SIM2: variants seen among roughly 807,000 people sequenced by gnomAD.
The protein encoded by SIM2 is single-minded homolog 2.
Under a neutral mutation model 64.8 loss-of-function variants are expected in SIM2, and 28 were observed. The observed-to-expected ratio is 0.43, with a 90% CI of 0.32 to 0.59. The LOEUF (loss-of-function observed/expected upper bound fraction) is 0.59, where lower values mean the gene tolerates loss of function less well. SIM2 is among the 20% of genes least tolerant of loss of function. SIM2 has a pLI of 0.07. For missense variants in SIM2, 847 were observed against 871.4 expected, an observed-to-expected ratio of 0.97 and a Z score of 0.35; for synonymous variants, 408 against 391.1, an observed-to-expected ratio of 1.04 and a Z score of -0.51.
intron 7 of SIM2, among the ~76,000 whole-genome samples, chr21:36,731,769 A>G (rs1057023176): frequency 2.0e-5 from 3 of 152,144 alleles, no homozygotes; most frequent in African/African-American, 7.2e-5. Flanking sequence ...GTGAACAAAC[A>G]CCAATTTGAT....
At chr21:36,705,168 A>G (rs737380) in intron 1 of SIM2, among the ~76,000 whole-genome samples, 119,208 of 152,208 alleles carry the variant, frequency 0.78, 47,384 homozygotes, top group African/African-American at 0.92. Flanking sequence ...CTTCTGGGTC[A>G]TAAACGCCGA....
intron 9 of SIM2, among the ~76,000 whole-genome samples, chr21:36,744,203 G>A (rs2089198506): frequency 6.6e-6 from 1 of 151,998 alleles, no homozygotes; most frequent in South Asian, 2.1e-4. Flanking sequence ...CTGCACTCCA[G>A]CCTGGGTGAC....
chr21:36,736,833 TTCTTTCTC>T (rs1256723548), intron 7 of SIM2, among the ~76,000 whole-genome samples: 5 of 113,602 alleles, frequency 4.4e-5, no homozygotes, highest in African/African-American at 1.6e-4. Flanking sequence ...CCTTTCTTCT[TTCTTTCTC>T]TTTCTTTTCT....
At chr21:36,731,201 G>A in intron 7 of SIM2, 50 bp downstream of exon 7, 1 of 1,401,998 alleles carries the variant, frequency 7.1e-7, no homozygotes, top group Non-Finnish European at 1.0e-6. Flanking sequence ...TCAGGGAGGA[G>A]GCGCTGAGGA....
chr21:36,727,120 C>T (rs1175440144), intron 6 of SIM2, among the ~76,000 whole-genome samples: 1 of 152,206 alleles, frequency 6.6e-6, no homozygotes, highest in Non-Finnish European at 1.5e-5. Flanking sequence ...TCACTGCAAC[C>T]TCTGCCTCAC....
At chr21:36,713,431 C>G (rs915306070) in intron 3 of SIM2, among the ~76,000 whole-genome samples, 1 of 152,148 alleles carries the variant, frequency 6.6e-6, no homozygotes, top group African/African-American at 2.4e-5. Context: ...ACATGCCTGA[C>G]TTAACAAATG....
intron 3 of SIM2, 69 bp from the exon 4 acceptor site, chr21:36,719,752 A>T: frequency 1.1e-6 from 1 of 902,874 alleles, no homozygotes; most frequent in Non-Finnish European, 1.9e-6. Context: ...CCTGTGACAC[A>T]CCTTGCCCCT....
intron 5 of SIM2, among the ~76,000 whole-genome samples, chr21:36,725,218 C>T (rs889366962): frequency 6.6e-6 from 1 of 151,986 alleles, no homozygotes; most frequent in African/African-American, 2.4e-5. Context: ...GGCACGGTGG[C>T]ACATGCCTGT....
intron 2 of SIM2, 75 bp downstream of exon 2, chr21:36,709,325 C>G: frequency 1.6e-6 from 2 of 1,250,156 alleles, no homozygotes; most frequent in Non-Finnish European, 2.3e-6. Flanking sequence ...AGCCTCCAGG[C>G]GTCCCTTCCC....
At chr21:36,709,501 C>T in intron 2 of SIM2, 1 of 653,886 alleles carries the variant, frequency 1.5e-6, no homozygotes, top group Non-Finnish European at 2.8e-6. Flanking sequence ...CCCCAGGCCA[C>T]CTGAGACCTA....
intron 5 of SIM2, among the ~76,000 whole-genome samples, chr21:36,725,910 T>C (rs1305453649): frequency 6.6e-6 from 1 of 152,264 alleles, no homozygotes; most frequent in Non-Finnish European, 1.5e-5. Flanking sequence ...ACTGAGCCAC[T>C]GCTTCCAGCT....
At chr21:36,737,185 T>C (rs1162577980) in intron 7 of SIM2, among the ~76,000 whole-genome samples, 1 of 152,174 alleles carries the variant, frequency 6.6e-6, no homozygotes, top group East Asian at 1.9e-4. Flanking sequence ...CATCTTGACC[T>C]CCCAAAGTGT....
intron 2 of SIM2, among the ~76,000 whole-genome samples, chr21:36,711,619 G>T (rs1178104626): frequency 6.6e-6 from 1 of 152,212 alleles, no homozygotes; most frequent in Non-Finnish European, 1.5e-5. Context: ...TGTAAAAATA[G>T]AATTTGTGGC....
chr21:36,709,107 C>G, intron 1 of SIM2, 61 bp from the exon 2 acceptor site: 1 of 1,454,418 alleles, frequency 6.9e-7, no homozygotes, highest in South Asian at 1.3e-5. Context: ...GTGACCTGCC[C>G]GGCTCCCAGG....
chr21:36,704,276 G>A (rs921247025), intron 1 of SIM2, among the ~76,000 whole-genome samples: 3 of 152,218 alleles, frequency 2.0e-5, no homozygotes, highest in Non-Finnish European at 2.9e-5. Flanking sequence ...AGTTGGGTGA[G>A]GAGAAACTCA....
At chr21:36,716,352 G>A (rs1009326497) in intron 3 of SIM2, among the ~76,000 whole-genome samples, 4 of 151,882 alleles carry the variant, frequency 2.6e-5, no homozygotes, top group Admixed American at 6.6e-5. Context: ...TAGTATACAT[G>A]TTCAAATAAA....
intron 7 of SIM2, among the ~76,000 whole-genome samples, chr21:36,733,804 G>A (rs1479531867): frequency 2.0e-5 from 3 of 151,920 alleles, no homozygotes; most frequent in Non-Finnish European, 4.4e-5. Context: ...CTCGTGATCC[G>A]CCCGCCTCGG....
intron 6 of SIM2, among the ~76,000 whole-genome samples, chr21:36,728,667 G>A (rs2845788): frequency 6.6e-6 from 1 of 152,240 alleles, no homozygotes; most frequent in Non-Finnish European, 1.5e-5. Flanking sequence ...ATGCTGCAGA[G>A]GCCTTCCCAG....
At chr21:36,733,705 G>C (rs901902670) in intron 7 of SIM2, among the ~76,000 whole-genome samples, 1 of 151,938 alleles carries the variant, frequency 6.6e-6, no homozygotes, top group Non-Finnish European at 1.5e-5. Context: ...GACTACAGGC[G>C]CCCGCCAGCA....
Sources: gnomAD v4.1 joint callset for allele counts (sites outside exome capture counted in the v4.1 genomes callset) on GRCh38, gnomAD v4.1.1 for gene constraint, MANE v1.5 for transcripts, NCBI Gene and HGNC (gene_info 2026-07-23, HGNC 2026-07-21) for gene names.